B3GNT5: variants seen among roughly 807,000 people sequenced by gnomAD.
B3GNT5 encodes the protein UDP-GlcNAc:betaGal beta-1,3-N-acetylglucosaminyltransferase 5, also known as lactosylceramide 1,3-N-acetyl-beta-D-glucosaminyltransferase.
B3GNT5 carries 11 observed loss-of-function variants against 25.9 expected under a neutral mutation model. That is an observed-to-expected ratio of 0.42 (90% CI 0.27 to 0.70). The LOEUF (loss-of-function observed/expected upper bound fraction) is 0.70. Ranked by LOEUF, B3GNT5 falls within the 30% of genes least tolerant of loss-of-function variation. The probability of loss-of-function intolerance (pLI) is 0.23; values close to 1 mark genes in which losing one functional copy is unlikely to be tolerated. For synonymous variants in B3GNT5, 166 were observed against 158.6 expected (o/e 1.05, Z -0.35); for missense variants, 385 against 458.4 (o/e 0.84, Z 1.46).
chr3:183,255,146 A>G (rs1724924959), intron 1 of B3GNT5, among the ~76,000 whole-genome samples: 1 of 152,090 alleles, frequency 6.6e-6, no homozygotes, highest in Admixed American at 6.5e-5. Flanking sequence ...ATTTTGGGAA[A>G]CCTTGCCTGT....
Position 183,270,689 on chromosome 3 carries a change from G to T in B3GNT5, c.891G>T (p.Pro297=). 1 of 1,613,906 alleles carries T rather than the reference G, an allele frequency of 6.2e-7. No individual in the cohort carries two copies. The highest frequency in any genetic ancestry group is 8.5e-7 in the Non-Finnish European group (1 of 1,179,962). ...GLCANKIGIV[P]QDHVFFSGEG... is the part of the protein sequence containing the mutation. ...GTGCCAATAAAATAGGGATAGTACC[G>T]CAGGACCATGTGTTTTTTTCTGGAG... The change falls in exon 2 of 2, where the codon CCG becomes CCT. Residue 297 remains proline (P), a synonymous_variant. Transcript: ENST00000326505. The surrounding 1 kb of genome is among the most constrained non-coding windows in gnomAD (Gnocchi z 4.5).
At position 183,269,784 on chromosome 3, in the gene B3GNT5, C is replaced by G; in HGVS notation, c.-15C>G. The G allele has an allele frequency of 6.3e-7, 1 of 1,582,818 alleles. No homozygotes were observed. Among genetic ancestry groups the G allele is most frequent in the Non-Finnish European group, 8.6e-7 (1 of 1,166,542 alleles). On this transcript the variant is annotated 5_prime_UTR_variant, in exon 2 of 2. Coordinates refer to ENST00000326505, the MANE Select transcript of B3GNT5 (RefSeq NM_032047.5). Reference sequence around the variant, plus strand: ...GTTTAAAACTGATCCTAACTAAAAACAGACTTGAGTGGATATGAGAATGTT... The same window carrying G: ...GTTTAAAACTGATCCTAACTAAAAAGAGACTTGAGTGGATATGAGAATGTT...
At chr3:183,263,421 C>T (rs1458999763) in intron 1 of B3GNT5, among the ~76,000 whole-genome samples, 1 of 152,134 alleles carries the variant, frequency 6.6e-6, no homozygotes, top group African/African-American at 2.4e-5. Flanking sequence ...GTCTCTCTTC[C>T]CCACTTAGAG....
rs1422581700 is a variant in B3GNT5, at chr3:183,269,630, G to GA, written c.-164dup. 1.6e-6 allele frequency: 1 copy of GA among 618,842 alleles called. No homozygotes were observed. Among genetic ancestry groups the GA allele is most frequent in the Non-Finnish European group, 2.7e-6 (1 of 376,100 alleles). The allele number at this position is 618,842 out of a possible 1,614,324, so 38.3% of individuals were successfully genotyped here. On this transcript the variant is annotated 5_prime_UTR_variant, in exon 2 of 2. The change creates a new upstream start codon in the 5' untranslated region. Coordinates refer to ENST00000326505, the MANE Select transcript of B3GNT5 (RefSeq NM_032047.5). ...GGTGTTCCATTCTTCCGCAATCTCA[G>GA]AAAAATGGGACTAAAAGAAACTATT...
intron 1 of B3GNT5, 118 bp downstream of exon 1, chr3:183,253,590 C>G (rs542594311): frequency 6.6e-5 from 10 of 152,388 alleles, no homozygotes; most frequent in African/African-American, 2.4e-4. Flanking sequence ...GTTACTGAGG[C>G]CCCCAGAGCT....
At chr3:183,266,429 A>G (rs1049595518) in intron 1 of B3GNT5, among the ~76,000 whole-genome samples, 3 of 152,234 alleles carry the variant, frequency 2.0e-5, no homozygotes, top group Admixed American at 2.0e-4. Flanking sequence ...GAATTTTCCT[A>G]GAATTCTCAA....
chr3:183,257,235 C>A (rs745457513), intron 1 of B3GNT5, among the ~76,000 whole-genome samples: 5 of 152,202 alleles, frequency 3.3e-5, no homozygotes, highest in Admixed American at 2.6e-4. Context: ...AAGTCGAGCT[C>A]ATGTGACTAG....
rs1463035934 is a variant in B3GNT5, at chr3:183,271,738, CG to C, written c.*804del. ...AATTCAAATAAGCTGATTTTAATGA[CG>C]TTTTCAACTGGTTTTTAAATATTCA... On this transcript the variant is annotated 3_prime_UTR_variant, in exon 2 of 2. Coordinates refer to ENST00000326505, the MANE Select transcript of B3GNT5 (RefSeq NM_032047.5). 1.2e-5 allele frequency: 2 copies of C among 166,692 alleles called. No individual in the cohort carries two copies. The highest frequency in any genetic ancestry group is 2.9e-5 in the Non-Finnish European group (2 of 68,070). The allele number at this position is 166,692 out of a possible 1,614,324, so 10.3% of individuals were successfully genotyped here.
rs1726804385 is a variant in B3GNT5 at position 183,271,775 on chromosome 3, G to C, written c.*840G>C. 1 of 166,844 alleles carries C rather than the reference G, an allele frequency of 6.0e-6. No individual in the cohort carries two copies. 10.3% of individuals were successfully genotyped at this position (166,844 alleles called of 1,614,324 possible). A position where few individuals can be genotyped will look rare whatever the true frequency, so the allele number is the denominator to read the frequency against. The stretch of plus-strand genomic sequence containing the variant: ...GTTTTTAAATATTCAATATTGGTCT[G>C]TGTTTAAGTTTGTTATTTGAATGTA... On this transcript the variant is annotated 3_prime_UTR_variant, in exon 2 of 2. Coordinates refer to ENST00000326505, the MANE Select transcript of B3GNT5 (RefSeq NM_032047.5).
chr3:183,253,652 TGC>T lies in B3GNT5; in HGVS notation c.-302+182_-302+183del, dbSNP rs919738890. Reference sequence around the variant, plus strand: ...CCTTTTAACAAGACCCGCCTGAGCCTGCGTTAGAGCTCCCGCTCGGAAAGTAA... The same window carrying T: ...CCTTTTAACAAGACCCGCCTGAGCCTGTTAGAGCTCCCGCTCGGAAAGTAA... On this transcript the variant is annotated intron_variant, in intron 1 of 1. Coordinates refer to ENST00000326505, the MANE Select transcript of B3GNT5 (RefSeq NM_032047.5). 1.4e-3 allele frequency: 215 copies of T among 152,424 alleles called. 1 individual carries two copies. Among genetic ancestry groups the T allele is most frequent in the African/African-American group, 5.1e-3 (213 of 41,596 alleles). The allele number at this position is 152,424 out of a possible 1,614,324, so 9.4% of individuals were successfully genotyped here.
At position 183,270,962 on chromosome 3, in the gene B3GNT5, C is replaced by T. The variant is rs1346695941; in HGVS notation, c.*27C>T. On this transcript the variant is annotated 3_prime_UTR_variant, in exon 2 of 2. Coordinates refer to ENST00000326505, the MANE Select transcript of B3GNT5 (RefSeq NM_032047.5). This position sits in a 1 kb window ranked among gnomAD's most constrained non-coding sequence, Gnocchi z 4.5. ...AGTACTTGAATGTTGTATGTTTTCA[C>T]TGTCACTGAGTCAAACCTGGATGAA... The T allele has an allele frequency of 1.3e-6, 2 of 1,527,996 alleles. No individual in the cohort carries two copies. Among genetic ancestry groups the T allele is most frequent in the East Asian group, 2.3e-5 (1 of 44,082 alleles). The allele number at this position is 1,527,996 out of a possible 1,614,324, so 94.7% of individuals were successfully genotyped here. A position where few individuals can be genotyped will look rare whatever the true frequency, so the allele number is the denominator to read the frequency against.
chr3:183,258,851 A>G (rs1172083768), intron 1 of B3GNT5, among the ~76,000 whole-genome samples: 2 of 152,074 alleles, frequency 1.3e-5, no homozygotes, highest in African/African-American at 4.8e-5. Context: ...CCGCCTCCCA[A>G]GTAGTTGGGA....
chr3:183,269,230 C>CTTTTTTTT (rs60835895), intron 1 of B3GNT5, among the ~76,000 whole-genome samples: 3 of 81,000 alleles, frequency 3.7e-5, no homozygotes, highest in African/African-American at 6.3e-5. Flanking sequence ...GTTTGGGAAG[C>CTTTTTTTT]TTTTTTTTTT....
In B3GNT5 at chr3:183,268,512, G is replaced by C. The variant is rs1037940408; in HGVS notation, c.-301-986G>C. ...TAAATAATGGAAGTGGAGAAAATGG[G>C]GGGGGCGGTTCCAGATTTCAGGCAT... On this transcript the variant is annotated intron_variant, in intron 1 of 1. Transcript: ENST00000326505. Among the ~76,000 whole-genome samples the C allele has an allele frequency of 7.9e-5, 12 of 152,028 alleles. 1 individual carries two copies. Among genetic ancestry groups the C allele is most frequent in the African/African-American group, 2.9e-4 (12 of 41,328 alleles).
intron 1 of B3GNT5, among the ~76,000 whole-genome samples, chr3:183,260,092 G>A (rs1725450013): frequency 6.6e-6 from 1 of 152,100 alleles, no homozygotes; most frequent in Non-Finnish European, 1.5e-5. Context: ...GAGGAACACA[G>A]GGATGGGGCT....
chr3:183,273,065 CTG>C lies in B3GNT5; in HGVS notation c.*2132_*2133del. 1 of 1,480,458 alleles carries C rather than the reference CTG, an allele frequency of 6.8e-7. No homozygotes were observed. Among genetic ancestry groups the C allele is most frequent in the Non-Finnish European group, 9.0e-7 (1 of 1,110,152 alleles). The allele number at this position is 1,480,458 out of a possible 1,614,324, so 91.7% of individuals were successfully genotyped here. Reference sequence around the variant, plus strand: ...TTACTTAAAGTACTGAGAAGAGTATCTGTAAATAAAAGGGTTCCAACCTTTTA... The same window carrying C: ...TTACTTAAAGTACTGAGAAGAGTATCTAAATAAAAGGGTTCCAACCTTTTA... On this transcript the variant is annotated 3_prime_UTR_variant, in exon 2 of 2. Transcript: ENST00000326505.
rs1265434160 is a variant in B3GNT5, at chr3:183,269,912, C to T, written c.114C>T (p.His38=). ...TTTTTTGGGAACCAATCGATAATCA[C>T]ATTGTGAGCCATATGAAGTCATATT... ...LMFFWEPIDN[H]IVSHMKSYSY... The change falls in exon 2 of 2, where the codon CAC becomes CAT. Residue 38 remains histidine (H), a synonymous_variant. Coordinates refer to ENST00000326505, the MANE Select transcript of B3GNT5 (RefSeq NM_032047.5). 7.4e-6 allele frequency: 12 copies of T among 1,613,966 alleles called. No homozygotes were observed. Among genetic ancestry groups the T allele is most frequent in the Non-Finnish European group, 9.3e-6 (11 of 1,180,024 alleles).
Position 183,270,896 on chromosome 3 carries a change from C to T in B3GNT5, c.1098C>T (p.Ser366=). 6.2e-7 allele frequency: 1 copy of T among 1,605,240 alleles called. No homozygotes were observed. Among genetic ancestry groups the T allele is most frequent in the Non-Finnish European group, 8.5e-7 (1 of 1,176,610 alleles). Residue 366 remains serine (S), a synonymous_variant, in exon 2 of 2, where the codon AGC becomes AGT. Coordinates refer to ENST00000326505, the MANE Select transcript of B3GNT5 (RefSeq NM_032047.5). The surrounding 1 kb of genome is among the most constrained non-coding windows in gnomAD (Gnocchi z 4.5). ...AGATAATTCTCCTTTGTAAAATTAGCTATGTGGACACATACCCTTGTAGGG... is the reference window on the plus strand; with the variant it reads ...AGATAATTCTCCTTTGTAAAATTAGTTATGTGGACACATACCCTTGTAGGG... ...LMKIILLCKI[S]YVDTYPCRAA...
At chr3:183,262,592 G>A (rs1329290714) in intron 1 of B3GNT5, among the ~76,000 whole-genome samples, 1 of 152,044 alleles carries the variant, frequency 6.6e-6, no homozygotes, top group African/African-American at 2.4e-5. Flanking sequence ...TTTATAGAGG[G>A]AATGGTGAGT....
Sources: allele counts gnomAD v4.1 joint callset (sites outside exome capture counted in the v4.1 genomes callset), GRCh38; gene constraint gnomAD v4.1.1; non-coding constraint Gnocchi (gnomAD v3.1); transcripts MANE v1.5; gene names NCBI Gene and HGNC (gene_info 2026-07-23, HGNC 2026-07-21).